Variants in RECK observed in about 807,000 individuals in gnomAD.
RECK encodes the protein reversion inducing cysteine rich protein with kazal motifs.
Under a neutral mutation model 115.1 loss-of-function variants are expected in RECK, and 69 were observed. The ratio of observed to expected loss-of-function variants is 0.60; its 90% CI spans 0.49 to 0.73. RECK has a LOEUF of 0.73. Ranked by LOEUF, RECK falls within the 30% of genes least tolerant of loss-of-function variation. The pLI, the probability that RECK is intolerant of heterozygous loss-of-function variation, is 0.00. For missense variants in RECK, 1,047 were observed against 1,203.7 expected (o/e 0.87, Z 1.93); for synonymous variants, 414 against 419.7 (o/e 0.99, Z 0.17).
chr9:36,097,961 G>T (rs1823417185), intron 10 of RECK, among the ~76,000 whole-genome samples: 1 of 152,026 alleles, frequency 6.6e-6, no homozygotes, highest in Non-Finnish European at 1.5e-5. Flanking sequence ...ACTTATATGT[G>T]GAATCTAAAA....
At position 36,043,037 on chromosome 9, in the gene RECK, T is replaced by TG; in HGVS notation, c.100+5939_100+5940insG. ...TTTTTTTTTTTTTTTTTTTTTTTTT[T>TG]TTTGTTGAGACGGAGTCTCGCTCTG... On this transcript the variant is annotated intron_variant, in intron 1 of 20. Transcript: ENST00000377966. Among the ~76,000 whole-genome samples the TG allele has an allele frequency of 7.6e-5, 9 of 118,724 alleles. No individual in the cohort carries two copies. The South Asian group carries it at 1.5e-3, about 19-fold the overall frequency. The allele number at this position is 118,724 out of a possible 152,430, so 77.9% of individuals were successfully genotyped here.
chr9:36,063,337 A>G (rs544679743), intron 4 of RECK, among the ~76,000 whole-genome samples: 1 of 152,302 alleles, frequency 6.6e-6, no homozygotes, highest in Non-Finnish European at 1.5e-5. Flanking sequence ...TTTAAACAGG[A>G]TCATGAATTT....
chr9:36,116,135 T>TG (rs993322533), intron 16 of RECK, among the ~76,000 whole-genome samples: 4 of 151,320 alleles, frequency 2.6e-5, no homozygotes, highest in African/African-American at 9.7e-5. Context: ...CTTTTTTTTT[T>TG]TTTTTTTTTT....
intron 16 of RECK, 38 bp from the exon 17 acceptor site, chr9:36,116,947 C>G: frequency 6.4e-7 from 1 of 1,556,152 alleles, no homozygotes; most frequent in Non-Finnish European, 8.8e-7. Context: ...ACAGTCCCTC[C>G]CTACATTGGC....
chr9:36,089,177 G>A (rs941403571), intron 9 of RECK, among the ~76,000 whole-genome samples: 6 of 152,170 alleles, frequency 3.9e-5, no homozygotes, highest in Admixed American at 1.3e-4. Flanking sequence ...TAGATTGCTT[G>A]TAGAAGTTAA....
In RECK at chr9:36,118,874, G is replaced by A. The variant is rs781720772; in HGVS notation, c.2371G>A (p.Gly791Arg). The change falls in exon 18 of 21, where the codon GGA (glycine) becomes AGA (arginine). Residue 791 changes from glycine (G) to arginine (R), a missense_variant. Gly to Arg is a moderately radical substitution (Grantham distance 125). Coordinates refer to ENST00000377966, the MANE Select transcript of RECK (RefSeq NM_021111.3). ...VDYYGDCQAV[G>R]VLSEHSSVAE... The stretch of plus-strand genomic sequence containing the variant: ...TTACTATGGGGACTGCCAGGCCGTC[G>A]GAGTCCTCTCAGAGCACAGCTCCGT... 4.5e-5 allele frequency: 72 copies of A among 1,613,886 alleles called. No homozygotes were observed. Among genetic ancestry groups the A allele is most frequent in the South Asian group, 1.9e-4 (17 of 91,068 alleles).
chr9:36,059,431 G>A (rs979970267), intron 3 of RECK, among the ~76,000 whole-genome samples: 21 of 149,246 alleles, frequency 1.4e-4, no homozygotes, highest in African/African-American at 5.2e-4. Flanking sequence ...ACTCCAGTCT[G>A]GGCAGCAGAG....
chr9:36,059,630 T>C (rs1821679306), intron 3 of RECK, among the ~76,000 whole-genome samples: 1 of 152,196 alleles, frequency 6.6e-6, no homozygotes, highest in African/African-American at 2.4e-5. Context: ...ACTGTAGATA[T>C]ATTGCTTACC....
chr9:36,116,926 C>A, intron 16 of RECK, 59 bp from the exon 17 acceptor site: 1 of 1,409,900 alleles, frequency 7.1e-7, no homozygotes, highest in Non-Finnish European at 9.8e-7. Flanking sequence ...TAGTGCTTTG[C>A]TAGCCCCACC....
chr9:36,113,349 G>A (rs575945934), intron 16 of RECK, among the ~76,000 whole-genome samples: 27 of 152,304 alleles, frequency 1.8e-4, no homozygotes, highest in Non-Finnish European at 3.1e-4. Flanking sequence ...TCTCTCATGT[G>A]TTAAAATAAA....
chr9:36,087,797 C>G lies in RECK; in HGVS notation c.741C>G (p.Ile247Met). Residue 247 changes from isoleucine (I) to methionine (M), a missense_variant, in exon 9 of 21, where the codon ATC becomes ATG. Ile to Met is a conservative substitution (Grantham distance 10, BLOSUM62 1). Coordinates refer to ENST00000377966, the MANE Select transcript of RECK (RefSeq NM_021111.3). ...AAATGGAGATTGTTGATGGTCTCAT[C>G]GAGGGTTGTAAGACCCAGCCCTTGC... ...KTEMEIVDGL[I>M]EGCKTQPLPQ... is the part of the protein sequence containing the mutation. 1 of 1,613,972 alleles carries G rather than the reference C, an allele frequency of 6.2e-7. No homozygotes were observed. Among genetic ancestry groups the G allele is most frequent in the Non-Finnish European group, 8.5e-7 (1 of 1,179,894 alleles).
chr9:36,053,859 T>C (rs1270433528), intron 2 of RECK, among the ~76,000 whole-genome samples: 1 of 152,202 alleles, frequency 6.6e-6, no homozygotes, highest in Non-Finnish European at 1.5e-5. Context: ...CCAACCAAGT[T>C]CTTAACTAAT....
At chr9:36,089,738 G>A (rs964942876) in intron 9 of RECK, among the ~76,000 whole-genome samples, 3 of 151,998 alleles carry the variant, frequency 2.0e-5, no homozygotes, top group African/African-American at 7.2e-5. Context: ...TTGGGTCCTA[G>A]CCCCAAAATA....
intron 6 of RECK, among the ~76,000 whole-genome samples, 186 bp from the exon 7 acceptor site, chr9:36,080,419 A>G (rs1822639940): frequency 6.6e-6 from 1 of 152,152 alleles, no homozygotes; most frequent in South Asian, 2.1e-4. Context: ...ATCCTGATAT[A>G]TGTTGGAAGA....
rs1259445935 is a variant in RECK at position 36,091,192 on chromosome 9, A to G, written c.934A>G (p.Ser312Gly). The G allele has an allele frequency of 5.0e-6, 8 of 1,613,942 alleles. No individual in the cohort carries two copies. The highest frequency in any genetic ancestry group is 6.8e-6 in the Non-Finnish European group (8 of 1,179,962). ...RELCTKLYSM[S>G]WGNTQSWQEF... is the part of the protein sequence containing the mutation. ...ACTCTGCACTAAACTTTACAGCATGAGCTGGGGCAATACACAGAGTTGGCA... is the reference window on the plus strand; with the variant it reads ...ACTCTGCACTAAACTTTACAGCATGGGCTGGGGCAATACACAGAGTTGGCA... The change falls in exon 10 of 21, where the codon AGC (serine) becomes GGC (glycine). Residue 312 changes from serine to glycine, a missense_variant. Coordinates refer to ENST00000377966, the MANE Select transcript of RECK (RefSeq NM_021111.3).
At chr9:36,040,847 T>A (rs1447572682) in intron 1 of RECK, among the ~76,000 whole-genome samples, 1 of 152,064 alleles carries the variant, frequency 6.6e-6, no homozygotes, top group Non-Finnish European at 1.5e-5. Flanking sequence ...TAATAAAAGT[T>A]GATGCCATTT....
intron 12 of RECK, among the ~76,000 whole-genome samples, chr9:36,104,898 CACCTAGAACCTT>C (rs149865315): frequency 0.025 from 3,844 of 152,150 alleles, 177 homozygotes; most frequent in African/African-American, 0.088. Flanking sequence ...GTATCTCCAG[CACCTAGAACCTT>C]GCCTGGAATA....
intron 6 of RECK, chr9:36,066,797 C>T: frequency 7.8e-7 from 1 of 1,288,720 alleles, no homozygotes; most frequent in Non-Finnish European, 1.0e-6. Context: ...AGTGTGCTTC[C>T]TTCTCTTGTC....
intron 6 of RECK, among the ~76,000 whole-genome samples, chr9:36,068,118 A>G (rs866945522): frequency 1.3e-5 from 2 of 152,212 alleles, no homozygotes; most frequent in Non-Finnish European, 2.9e-5. Flanking sequence ...AGACCAATAT[A>G]TAACAAATAA....
Sources: allele counts gnomAD v4.1 joint callset (sites outside exome capture counted in the v4.1 genomes callset), GRCh38; gene constraint gnomAD v4.1.1; transcripts MANE v1.5; gene names NCBI Gene and HGNC (gene_info 2026-07-23, HGNC 2026-07-21).